The following DHRSX variants were observed in gnomAD, a reference collection of about 807,000 sequenced individuals.
DHRSX encodes dehydrogenase/reductase X-linked.
DHRSX carries 31 observed loss-of-function variants against 34.0 expected under a neutral mutation model. That is an observed-to-expected ratio of 0.91 (90% CI 0.69 to 1.23). The LOEUF is 1.23. Ranked by LOEUF, DHRSX falls within the 50% of genes most tolerant of loss-of-function variation. The pLI, the probability that DHRSX is intolerant of heterozygous loss-of-function variation, is 0.00. For missense variants in DHRSX, 414 were observed against 428.1 expected, an observed-to-expected ratio of 0.97 and a Z score of 0.29; for synonymous variants, 201 against 183.8, an observed-to-expected ratio of 1.09 and a Z score of -0.76.
At chrX:2,320,443 C>T (rs2042295749) in intron 3 of DHRSX, among the ~76,000 whole-genome samples, 1 of 144,622 alleles carries the variant, frequency 6.9e-6, no homozygotes, top group African/African-American at 2.6e-5. Context: ...TACAGACACG[C>T]ACCACTACAC....
intron 1 of DHRSX, among the ~76,000 whole-genome samples, chrX:2,485,409 G>A (rs755188238): frequency 6.6e-6 from 1 of 151,432 alleles, no homozygotes; most frequent in African/African-American, 2.4e-5. Flanking sequence ...GAAAGGGCAA[G>A]TCTGGGCAGA....
chrX:2,243,348 G>T, intron 5 of DHRSX, 118 bp from the exon 6 acceptor site: 1 of 791,360 alleles, frequency 1.3e-6, no homozygotes, highest in Non-Finnish European at 2.0e-6. Context: ...ACCTCCCCTA[G>T]ACCCATGTGT....
chrX:2,365,713 A>G (rs1449685705), intron 3 of DHRSX, among the ~76,000 whole-genome samples: 1 of 152,108 alleles, frequency 6.6e-6, no homozygotes, highest in Non-Finnish European at 1.5e-5. Context: ...TATGGCTCCC[A>G]GGATACTCCA....
intron 1 of DHRSX, among the ~76,000 whole-genome samples, chrX:2,493,209 A>T (rs2045200615): frequency 6.6e-6 from 1 of 152,138 alleles, no homozygotes; most frequent in Non-Finnish European, 1.5e-5. Context: ...TCTGCAGCCG[A>T]GTTAGGGTGG....
At chrX:2,407,163 A>C (rs1296775353) in intron 3 of DHRSX, among the ~76,000 whole-genome samples, 4 of 152,202 alleles carry the variant, frequency 2.6e-5, no homozygotes, top group Non-Finnish European at 5.9e-5. Flanking sequence ...ATAACTCAGA[A>C]ACCGAAAGTC....
rs187676080 is a variant in DHRSX, at chrX:2,409,220, C to T, written c.218-407G>A. On this transcript the variant is annotated intron_variant, in intron 2 of 6. Transcript: ENST00000334651. ...TCCCAGTGTGCACACACAGACTGCA[C>T]GATGCACGTGATCACAGACCGTGGT... 1.6e-4 allele frequency among the ~76,000 whole-genome samples: 25 copies of T among 152,324 alleles called. 1 individual carries two copies. The East Asian group carries it at 4.6e-3, about 28-fold the overall frequency.
intron 1 of DHRSX, chrX:2,489,120 G>A (rs771189505): frequency 1.9e-5 from 30 of 1,613,398 alleles, no homozygotes; most frequent in East Asian, 1.8e-4. Flanking sequence ...GTGGATGTCC[G>A]CATGAGCTTC....
chrX:2,429,636 T>G (rs1429761710), intron 1 of DHRSX, among the ~76,000 whole-genome samples: 5 of 146,482 alleles, frequency 3.4e-5, no homozygotes, highest in Non-Finnish European at 4.5e-5. Flanking sequence ...ATTTTTTTTT[T>G]GTAAAGATGG....
At chrX:2,495,781 G>A (rs1295173483) in intron 1 of DHRSX, among the ~76,000 whole-genome samples, 5 of 151,908 alleles carry the variant, frequency 3.3e-5, no homozygotes, top group African/African-American at 9.7e-5. Flanking sequence ...GGGGGAGGGG[G>A]GTTTGGGGGG....
chrX:2,384,117 G>C (rs1435114347), intron 3 of DHRSX, among the ~76,000 whole-genome samples: 2 of 152,170 alleles, frequency 1.3e-5, no homozygotes, highest in African/African-American at 4.8e-5. Context: ...TACCGAAAAT[G>C]ACGGAGTGTT....
chrX:2,256,003 G>GT (rs2041272060), intron 5 of DHRSX, among the ~76,000 whole-genome samples: 1 of 150,408 alleles, frequency 6.6e-6, no homozygotes, highest in Non-Finnish European at 1.5e-5. Flanking sequence ...ATTTTGGAAG[G>GT]TATGTGTCCC....
chrX:2,271,763 G>A (rs1450728060), intron 4 of DHRSX, among the ~76,000 whole-genome samples: 1 of 152,152 alleles, frequency 6.6e-6, no homozygotes, highest in East Asian at 1.9e-4. Flanking sequence ...AAAAAGCCCG[G>A]CCCGGTGGGT....
intron 1 of DHRSX, among the ~76,000 whole-genome samples, chrX:2,425,798 T>C (rs1263083117): frequency 6.6e-6 from 1 of 152,112 alleles, no homozygotes; most frequent in Admixed American, 6.5e-5. Flanking sequence ...AGGGGCGTGT[T>C]GACACCACTC....
intron 1 of DHRSX, among the ~76,000 whole-genome samples, chrX:2,432,990 G>A (rs1043215906): frequency 1.3e-5 from 2 of 151,984 alleles, no homozygotes; most frequent in South Asian, 2.1e-4. Context: ...CGGGTGTGGC[G>A]GTGCGTGCCT....
At chrX:2,224,145 T>C (rs995609078) in intron 6 of DHRSX, among the ~76,000 whole-genome samples, 2 of 152,256 alleles carry the variant, frequency 1.3e-5, no homozygotes, top group Non-Finnish European at 2.9e-5. Context: ...TCTGCCATCA[T>C]TGACACTGAG....
At chrX:2,373,114 A>G (rs2043098864) in intron 3 of DHRSX, among the ~76,000 whole-genome samples, 1 of 152,196 alleles carries the variant, frequency 6.6e-6, no homozygotes, top group African/African-American at 2.4e-5. Flanking sequence ...GGCGGCAGGC[A>G]AAATGGCTCC....
intron 3 of DHRSX, among the ~76,000 whole-genome samples, chrX:2,321,610 T>C (rs34799978): frequency 0.75 from 114,457 of 151,904 alleles, 44,184 homozygotes; most frequent in African/African-American, 0.86. Context: ...CGAGACCATC[T>C]GTAAACCAAG....
chrX:2,269,025 T>C (rs2041512714), intron 4 of DHRSX, among the ~76,000 whole-genome samples: 2 of 152,278 alleles, frequency 1.3e-5, no homozygotes, highest in Non-Finnish European at 2.9e-5. Flanking sequence ...GGAGCTATAT[T>C]GATATTTGTA....
intron 2 of DHRSX, among the ~76,000 whole-genome samples, chrX:2,420,698 G>A (rs1453026901): frequency 4.6e-5 from 7 of 151,612 alleles, no homozygotes; most frequent in East Asian, 1.9e-4. Flanking sequence ...AGCTGAGATC[G>A]CGCCACTGCA....
Sources: gnomAD v4.1 joint callset for allele counts (sites outside exome capture counted in the v4.1 genomes callset) on GRCh38, gnomAD v4.1.1 for gene constraint, MANE v1.5 for transcripts, NCBI Gene and HGNC (gene_info 2026-07-23, HGNC 2026-07-21) for gene names.